Variants in ANXA8 observed in about 807,000 individuals in gnomAD.
ANXA8 encodes VAC-beta.
A neutral mutation model predicts 26.8 loss-of-function variants in ANXA8; 9 were observed. That is an observed-to-expected ratio of 0.34 (90% CI 0.20 to 0.59). The LOEUF (loss-of-function observed/expected upper bound fraction) is 0.59, where lower values mean the gene tolerates loss of function less well. Among genes scored for constraint, ANXA8 ranks in the 20% least tolerant of loss-of-function variants. The pLI, the probability that ANXA8 is intolerant of heterozygous loss-of-function variation, is 0.84. For missense variants in ANXA8, 83 were observed against 238.5 expected, an observed-to-expected ratio of 0.35 and a Z score of 4.29; for synonymous variants, 39 against 94.8, an observed-to-expected ratio of 0.41 and a Z score of 3.42.
the ANXA8 span, among the ~76,000 whole-genome samples, chr10:47,941,822 A>G: frequency 6.8e-6 from 1 of 147,822 alleles, no homozygotes; most frequent in Non-Finnish European, 1.5e-5. Context: ...TGGAAGCAGC[A>G]CTACTCAGAA....
the ANXA8 span, among the ~76,000 whole-genome samples, chr10:47,561,737 C>T: frequency 2.0e-5 from 3 of 151,720 alleles, no homozygotes; most frequent in African/African-American, 4.9e-5. Context: ...GGAATTAAAG[C>T]AGTGAACATA....
At chr10:47,501,126 T>A in the ANXA8 span, among the ~76,000 whole-genome samples, 3 of 143,100 alleles carry the variant, frequency 2.1e-5, no homozygotes, top group African/African-American at 7.8e-5. Context: ...ATGGTCTTGA[T>A]CTCCTGACCT....
the ANXA8 span, chr10:47,491,745 G>A: frequency 3.2e-6 from 5 of 1,546,560 alleles, no homozygotes; most frequent in East Asian, 7.3e-5. Flanking sequence ...GCTGCCTCTG[G>A]TGCCTATCTA....
the ANXA8 span, among the ~76,000 whole-genome samples, chr10:47,946,835 G>A: frequency 6.6e-6 from 1 of 151,078 alleles, no homozygotes; most frequent in Non-Finnish European, 1.5e-5. Context: ...TGAGATTACA[G>A]GCATGTGCCA....
the ANXA8 span, among the ~76,000 whole-genome samples, chr10:47,944,482 A>C: frequency 6.7e-6 from 1 of 149,944 alleles, no homozygotes; most frequent in Non-Finnish European, 1.5e-5. Flanking sequence ...TAATCTCCTG[A>C]TATGGTTTGG....
At chr10:47,695,686 A>G in the ANXA8 span, among the ~76,000 whole-genome samples, 12 of 151,912 alleles carry the variant, frequency 7.9e-5, 1 homozygote, top group East Asian at 2.1e-3. Flanking sequence ...CACTATTGTT[A>G]ATATACGTTT....
the ANXA8 span, among the ~76,000 whole-genome samples, chr10:47,770,071 AG>A: frequency 0.18 from 26,106 of 147,694 alleles, 1,689 homozygotes; most frequent in East Asian, 0.39. Context: ...GCCTGAACTC[AG>A]AGCAATAACT....
chr10:47,624,242 C>CAAAAAAAAAA, the ANXA8 span, among the ~76,000 whole-genome samples: 1 of 29,218 alleles, frequency 3.4e-5, no homozygotes, highest in African/African-American at 1.4e-4. Flanking sequence ...GACTCCATCT[C>CAAAAAAAAAA]AAAAAAAAAA....
At chr10:47,504,769 G>T in the ANXA8 span, among the ~76,000 whole-genome samples, 1 of 139,774 alleles carries the variant, frequency 7.2e-6, no homozygotes, top group Non-Finnish European at 1.5e-5. Flanking sequence ...ATAAACCAGT[G>T]GTTCTCCAAA....
At chr10:47,971,479 T>A in the ANXA8 span, among the ~76,000 whole-genome samples, 9 of 123,070 alleles carry the variant, frequency 7.3e-5, no homozygotes, top group Non-Finnish European at 1.4e-4. Context: ...TGGGAATGAG[T>A]GAGATTGAGC....
the ANXA8 span, among the ~76,000 whole-genome samples, chr10:47,558,647 A>G: frequency 6.6e-6 from 1 of 151,222 alleles, no homozygotes; most frequent in African/African-American, 2.4e-5. Context: ...CAGCCTCCCA[A>G]TGTGCTAGGA....
the ANXA8 span, among the ~76,000 whole-genome samples, chr10:47,653,396 T>C: frequency 1.7e-4 from 26 of 151,106 alleles, no homozygotes; most frequent in African/African-American, 6.1e-4. Context: ...TAGTAGTGAG[T>C]TGAAGATAAC....
At chr10:47,942,833 G>A in the ANXA8 span, among the ~76,000 whole-genome samples, 1 of 145,770 alleles carries the variant, frequency 6.9e-6, no homozygotes, top group East Asian at 2.1e-4. Context: ...CAATTGCTAA[G>A]GCAGAGGGAG....
the ANXA8 span, among the ~76,000 whole-genome samples, chr10:47,657,337 TA>T: frequency 6.6e-6 from 1 of 151,768 alleles, no homozygotes; most frequent in East Asian, 1.9e-4. Context: ...CAGTTTATTG[TA>T]AAATTTTAAT....
the ANXA8 span, among the ~76,000 whole-genome samples, chr10:47,566,369 T>C: frequency 1.3e-5 from 2 of 150,632 alleles, no homozygotes; most frequent in Non-Finnish European, 3.0e-5. Context: ...CGTGAACTTT[T>C]TACACAAGAG....
chr10:47,696,140 C>T, the ANXA8 span, among the ~76,000 whole-genome samples: 1 of 151,832 alleles, frequency 6.6e-6, no homozygotes, highest in Non-Finnish European at 1.5e-5. Context: ...TAAATAAAAG[C>T]TATTAAACCT....
the ANXA8 span, among the ~76,000 whole-genome samples, chr10:47,666,193 C>T: frequency 7.6e-6 from 1 of 130,936 alleles, no homozygotes; most frequent in Non-Finnish European, 1.6e-5. Flanking sequence ...CCCCCCCCAT[C>T]CCCCACCCCC....
At chr10:47,939,031 T>A in the ANXA8 span, among the ~76,000 whole-genome samples, 2 of 143,956 alleles carry the variant, frequency 1.4e-5, no homozygotes, top group Non-Finnish European at 3.0e-5. Context: ...CCCACAAGAG[T>A]GTTCTACACT....
At chr10:47,502,688 CCA>C in the ANXA8 span, 1 of 1,608,570 alleles carries the variant, frequency 6.2e-7, no homozygotes, top group Admixed American at 1.7e-5. Flanking sequence ...GTCTCACAGT[CCA>C]CACAGTGGGC....
Sources: gnomAD v4.1 joint callset for allele counts (sites outside exome capture counted in the v4.1 genomes callset) on GRCh38, gnomAD v4.1.1 for gene constraint, MANE v1.5 for transcripts, NCBI Gene and HGNC (gene_info 2026-07-23, HGNC 2026-07-21) for gene names.